The following KLF9 variants were observed in gnomAD, a reference collection of about 807,000 sequenced individuals.
KLF9 encodes KLF transcription factor 9, also known as Krueppel-like factor 9.
A neutral mutation model predicts 17.3 loss-of-function variants in KLF9; 2 were observed. The ratio of observed to expected loss-of-function variants is 0.12; its 90% CI spans 0.05 to 0.36. KLF9 has a LOEUF of 0.36. KLF9 is among the 10% of genes least tolerant of loss of function. KLF9 has a pLI of 1.00. For missense variants in KLF9, 226 were observed against 333.2 expected (o/e 0.68, Z 2.51); for synonymous variants, 138 against 139.2 (o/e 0.99, Z 0.06).
At chr9:70,409,026 A>ATATATATGTG (rs1564089108) in intron 1 of KLF9, among the ~76,000 whole-genome samples, 26 of 124,080 alleles carry the variant, frequency 2.1e-4, no homozygotes, top group African/African-American at 7.5e-4. Flanking sequence ...ATATATGTAT[A>ATATATATGTG]TATATATATG....
At chr9:70,400,971 C>T (rs1220173162) in intron 1 of KLF9, among the ~76,000 whole-genome samples, 1 of 151,928 alleles carries the variant, frequency 6.6e-6, no homozygotes. Flanking sequence ...GAATATAGTC[C>T]CCTCTTTGGG....
At chr9:70,397,313 A>G (rs1280246928) in intron 1 of KLF9, among the ~76,000 whole-genome samples, 1 of 151,928 alleles carries the variant, frequency 6.6e-6, no homozygotes, top group East Asian at 1.9e-4. Flanking sequence ...TGTCTCTACT[A>G]AAAATACAAA....
chr9:70,409,172 A>ATATGTATATATATACACATATATG (rs1564089399), intron 1 of KLF9, among the ~76,000 whole-genome samples: 8 of 35,898 alleles, frequency 2.2e-4, no homozygotes, highest in Non-Finnish European at 7.0e-4. Context: ...ACATATATGT[A>ATATGTATATATATACACATATATG]TATATATGTA....
chr9:70,410,933 C>T (rs1175559775), intron 1 of KLF9, among the ~76,000 whole-genome samples: 1 of 152,188 alleles, frequency 6.6e-6, no homozygotes, highest in Non-Finnish European at 1.5e-5. Flanking sequence ...ACATAGGCAC[C>T]TGCAATCACC....
rs572348828 is a variant in KLF9 at position 70,386,318 on chromosome 9, T to C, written c.*1458A>G. The C allele has an allele frequency of 6.5e-6, 1 of 152,770 alleles. No individual in the cohort carries two copies. The highest frequency in any genetic ancestry group is 1.5e-5 in the Non-Finnish European group (1 of 68,032). The allele number at this position is 152,770 out of a possible 1,614,324, so 9.5% of individuals were successfully genotyped here. A position where few individuals can be genotyped will look rare whatever the true frequency, so the allele number is the denominator to read the frequency against. On this transcript the variant is annotated 3_prime_UTR_variant, in exon 2 of 2. Transcript: ENST00000377126. The stretch of plus-strand genomic sequence containing the variant: ...TAAATGGCATAGATGGATGTAGTGG[T>C]TTCAGCCATTATAGACACCTAGATA...
At chr9:70,411,781 C>G (rs1337991685) in intron 1 of KLF9, among the ~76,000 whole-genome samples, 2 of 152,140 alleles carry the variant, frequency 1.3e-5, no homozygotes, top group African/African-American at 2.4e-5. Context: ...CAACAATACC[C>G]TCTCAAACAC....
In KLF9 at chr9:70,409,178, A is replaced by G. The variant is rs1423051625; in HGVS notation, c.505+3681T>C. ...TATATATACACATATATGTATATAT[A>G]TGTATACATATACATGTATATGTAT... On this transcript the variant is annotated intron_variant, in intron 1 of 1. Coordinates refer to ENST00000377126, the MANE Select transcript of KLF9 (RefSeq NM_001206.4). Among the ~76,000 whole-genome samples, 172 of 90,454 alleles carry G rather than the reference A, an allele frequency of 1.9e-3. 31 individuals carry two copies. Among genetic ancestry groups the G allele is most frequent in the Non-Finnish European group, 2.9e-3 (117 of 40,588 alleles). The allele number at this position is 90,454 out of a possible 152,430, so 59.3% of individuals were successfully genotyped here.
intron 1 of KLF9, among the ~76,000 whole-genome samples, chr9:70,394,279 TCCC>T (rs2037169145): frequency 8.5e-6 from 1 of 117,080 alleles, no homozygotes. Flanking sequence ...CTGATATTAT[TCCC>T]CCATTTAACA....
intron 1 of KLF9, among the ~76,000 whole-genome samples, chr9:70,410,361 T>G (rs1177943131): frequency 6.6e-6 from 1 of 152,208 alleles, no homozygotes. Context: ...GTTTGCAAAC[T>G]CTGAATTAAA....
chr9:70,412,038 C>A (rs2037318460), intron 1 of KLF9, among the ~76,000 whole-genome samples: 1 of 151,942 alleles, frequency 6.6e-6, no homozygotes, highest in Non-Finnish European at 1.5e-5. Flanking sequence ...TTTGTACGGC[C>A]ATGCCTCTCA....
At chr9:70,412,521 T>C (rs1378313838) in intron 1 of KLF9, among the ~76,000 whole-genome samples, 1 of 150,892 alleles carries the variant, frequency 6.6e-6, no homozygotes, top group Non-Finnish European at 1.5e-5. Context: ...TGCCAGCGTC[T>C]CCCAGGTGGG....
At position 70,413,552 on chromosome 9, in the gene KLF9, A is replaced by C; in HGVS notation, c.-189T>G. The C allele has an allele frequency of 7.7e-6, 3 of 390,890 alleles. No homozygotes were observed. Among genetic ancestry groups the C allele is most frequent in the Non-Finnish European group, 1.2e-5 (3 of 257,918 alleles). 24.2% of individuals were successfully genotyped at this position (390,890 alleles called of 1,614,324 possible). Reference sequence around the variant, plus strand: ...GAGGCGACCTCAGCCCCTCATCTTTACGTAACCGGCAGCGCCTCCGCACGC... The same window carrying C: ...GAGGCGACCTCAGCCCCTCATCTTTCCGTAACCGGCAGCGCCTCCGCACGC... On this transcript the variant is annotated 5_prime_UTR_variant, in exon 1 of 2. It removes the in-frame stop codon of an upstream open reading frame in the 5' UTR. Coordinates refer to ENST00000377126, the MANE Select transcript of KLF9 (RefSeq NM_001206.4). The surrounding 1 kb of genome is among the most constrained non-coding windows in gnomAD (Gnocchi z 5.6).
intron 1 of KLF9, among the ~76,000 whole-genome samples, chr9:70,405,118 T>C (rs1478616122): frequency 6.6e-6 from 1 of 152,234 alleles, no homozygotes; most frequent in African/African-American, 2.4e-5. Context: ...CCTCTATTTC[T>C]TTGGGCCAAG....
chr9:70,406,662 G>A (rs774437922), intron 1 of KLF9, among the ~76,000 whole-genome samples: 20 of 151,936 alleles, frequency 1.3e-4, no homozygotes, highest in Admixed American at 3.3e-4. Context: ...TTTTTTCTTC[G>A]TCTTCCTTTT....
intron 1 of KLF9, among the ~76,000 whole-genome samples, chr9:70,404,928 C>A (rs2037246423): frequency 6.6e-6 from 1 of 152,128 alleles, no homozygotes; most frequent in South Asian, 2.1e-4. Flanking sequence ...GACCCAAAAG[C>A]CTGTGCTCTG....
At chr9:70,396,087 GA>G (rs1310229019) in intron 1 of KLF9, among the ~76,000 whole-genome samples, 1 of 152,186 alleles carries the variant, frequency 6.6e-6, no homozygotes, top group Non-Finnish European at 1.5e-5. Context: ...TGAGGCTAGT[GA>G]AAACGTTAAA....
At chr9:70,394,385 A>G (rs1332863463) in intron 1 of KLF9, among the ~76,000 whole-genome samples, 4 of 152,144 alleles carry the variant, frequency 2.6e-5, no homozygotes, top group Non-Finnish European at 4.4e-5. Flanking sequence ...ATAAAATTGA[A>G]CAACCATCCC....
chr9:70,407,321 T>C (rs2037262761), intron 1 of KLF9, among the ~76,000 whole-genome samples: 1 of 152,184 alleles, frequency 6.6e-6, no homozygotes, highest in Non-Finnish European at 1.5e-5. Flanking sequence ...AGAATTCATT[T>C]CCCTCAGCTT....
rs2037118282 is a variant in KLF9, at chr9:70,387,153, T to C, written c.*623A>G. 1 of 153,440 alleles carries C rather than the reference T, an allele frequency of 6.5e-6. No individual in the cohort carries two copies. The highest frequency in any genetic ancestry group is 2.1e-4 in the South Asian group (1 of 4,878). 9.5% of individuals were successfully genotyped at this position (153,440 alleles called of 1,614,324 possible). ...CAAGTCTTTAGATGACAGATCATGC[T>C]GGAGTAGATGTGCTCTTGCTTGCAT... On this transcript the variant is annotated 3_prime_UTR_variant, in exon 2 of 2. Transcript: ENST00000377126.
Sources: allele counts gnomAD v4.1 joint callset (sites outside exome capture counted in the v4.1 genomes callset), GRCh38; gene constraint gnomAD v4.1.1; non-coding constraint Gnocchi (gnomAD v3.1); transcripts MANE v1.5; gene names NCBI Gene and HGNC (gene_info 2026-07-23, HGNC 2026-07-21).